Variants in ANKRD30A observed in about 807,000 individuals in gnomAD.
ANKRD30A encodes the protein ankyrin repeat domain 30A.
A neutral mutation model predicts 166.3 loss-of-function variants in ANKRD30A; 170 were observed. The observed-to-expected ratio is 1.02, with a 90% confidence interval of 0.90 to 1.16. The LOEUF (loss-of-function observed/expected upper bound fraction) is 1.16, where lower values mean the gene tolerates loss of function less well. Ranked by LOEUF, ANKRD30A falls within the 50% of genes most tolerant of loss-of-function variation. The pLI is 0.00. For missense variants in ANKRD30A, 1,630 were observed against 1,518.0 expected (o/e 1.07, Z -1.23); for synonymous variants, 564 against 508.9 (o/e 1.11, Z -1.46).
In ANKRD30A at chr10:37,149,796, A is replaced by T; in HGVS notation, c.1592A>T (p.Asn531Ile). Residue 531 changes from asparagine to isoleucine, a missense_variant, in exon 11 of 36, where the codon AAC (asparagine) becomes ATC (isoleucine). By Grantham distance (149) the Asn-to-Ile change is moderately radical. Around this residue, in one of 4 missense-constraint regions of ANKRD30A, gnomAD observed 904 missense variants for 818.5 expected, o/e 1.10. Coordinates refer to ENST00000361713, the MANE Select transcript of ANKRD30A (RefSeq NM_052997.3). ...SAFKPAIEMQ[N>I]SVPNKAFELK... is the part of the protein sequence containing the mutation. ...ATTTAGCCTGCCATTGAAATGCAAA[A>T]CTCTGTTCCAAATAAAGCCTTTGAA... 2 of 1,612,874 alleles carry T rather than the reference A, an allele frequency of 1.2e-6. No individual in the cohort carries two copies.
rs539208494 is a variant in ANKRD30A at position 37,231,321 on chromosome 10, A to G, written c.4186-140A>G. The G allele has an allele frequency of 9.4e-6, 5 of 529,512 alleles. No homozygotes were observed. The African/African-American group carries it at 9.8e-5, about 10-fold the overall frequency. The allele number at this position is 529,512 out of a possible 1,614,324, so 32.8% of individuals were successfully genotyped here. On this transcript the variant is annotated intron_variant, in intron 34 of 35. Transcript: ENST00000361713. ...TTGCATACACTAGGCATGCTCTCAC[A>G]CATCTTCATTGTTAAAGCACGGCTT...
the ANKRD30A span, chr10:37,241,400 G>A: frequency 6.6e-6 from 1 of 151,246 alleles, no homozygotes; most frequent in African/African-American, 2.4e-5. Context: ...TTCTTAAAAA[G>A]GATAATATTT....
At chr10:37,234,945 G>A (rs372290797), downstream of ANKRD30A, among the ~76,000 whole-genome samples, 11 of 152,052 alleles carry the variant, frequency 7.2e-5, no homozygotes, top group Admixed American at 3.9e-4. Flanking sequence ...GTTGAACTGC[G>A]CTTTTTCCAC....
At chr10:37,253,649 CT>C in the ANKRD30A span, among the ~76,000 whole-genome samples, 32,326 of 129,664 alleles carry the variant, frequency 0.25, 3,090 homozygotes, top group Middle Eastern at 0.31. Context: ...TTTTCTTTTT[CT>C]TTTTTTTTTT....
At chr10:37,127,030 G>C (rs1033288517) in intron 1 of ANKRD30A, among the ~76,000 whole-genome samples, 1 of 81,334 alleles carries the variant, frequency 1.2e-5, no homozygotes, top group Admixed American at 2.1e-4. Context: ...CTAGGTGATA[G>C]AGTGAAACTC....
At chr10:37,148,534 G>A (rs1588789898) in intron 9 of ANKRD30A, among the ~76,000 whole-genome samples, 1 of 152,000 alleles carries the variant, frequency 6.6e-6, no homozygotes, top group East Asian at 1.9e-4. Flanking sequence ...AAGAGAGAAG[G>A]TAGGTAGGTA....
At chr10:37,165,600 C>T (rs1252866228) in intron 18 of ANKRD30A, among the ~76,000 whole-genome samples, 1 of 151,796 alleles carries the variant, frequency 6.6e-6, no homozygotes, top group African/African-American at 2.4e-5. Flanking sequence ...GGGACTTGAA[C>T]ATATTGACAT....
chr10:37,193,216 A>G lies in ANKRD30A; in HGVS notation c.2572A>G (p.Thr858Ala), dbSNP rs745631459. 3.1e-6 allele frequency: 5 copies of G among 1,612,008 alleles called. No homozygotes were observed. The South Asian group carries it at 4.4e-5, about 14-fold the overall frequency. ...CTGCAGAATGAAAGTTTCTATTCCA[A>G]CTAAAGCCTTAGAATTGATGGACAT... ...APCRMKVSIP[T>A]KALELMDMQT... Residue 858 changes from threonine to alanine, a missense_variant, in exon 27 of 36, where the codon ACT becomes GCT. Around this residue, in one of 4 missense-constraint regions of ANKRD30A, gnomAD observed 712 missense variants for 629.3 expected, o/e 1.13. Transcript: ENST00000361713.
At chr10:37,194,321 T>C (rs1477660841) in intron 27 of ANKRD30A, among the ~76,000 whole-genome samples, 2 of 152,112 alleles carry the variant, frequency 1.3e-5, no homozygotes, top group Admixed American at 6.5e-5. Context: ...CTTCCTTTTT[T>C]TTGTTTGCAT....
the ANKRD30A span, among the ~76,000 whole-genome samples, chr10:37,265,880 C>A: frequency 6.6e-6 from 1 of 152,196 alleles, no homozygotes; most frequent in Non-Finnish European, 1.5e-5. Flanking sequence ...AACAAACCCC[C>A]CTGGGTTAAC....
intron 25 of ANKRD30A, among the ~76,000 whole-genome samples, chr10:37,192,633 A>G (rs1840695512): frequency 6.6e-6 from 1 of 152,044 alleles, no homozygotes; most frequent in African/African-American, 2.4e-5. Context: ...ATATATTGAC[A>G]TCAGTGATTC....
At chr10:37,257,200 C>A in the ANKRD30A span, among the ~76,000 whole-genome samples, 47 of 151,874 alleles carry the variant, frequency 3.1e-4, no homozygotes, top group African/African-American at 1.1e-3. Flanking sequence ...TTATAGTATT[C>A]TCTGATGGTA....
intron 34 of ANKRD30A, among the ~76,000 whole-genome samples, chr10:37,224,314 A>G (rs1843030751): frequency 6.6e-6 from 1 of 150,988 alleles, no homozygotes; most frequent in Non-Finnish European, 1.5e-5. Context: ...ACATCATCAA[A>G]AATTATCTTG....
intron 3 of ANKRD30A, among the ~76,000 whole-genome samples, 167 bp from the exon 4 acceptor site, chr10:37,132,073 C>G (rs550327350): frequency 6.6e-6 from 1 of 152,026 alleles, no homozygotes. Flanking sequence ...ATATTTACAG[C>G]GGAAGGTGCA....
chr10:37,260,949 C>T, the ANKRD30A span, among the ~76,000 whole-genome samples: 3 of 152,124 alleles, frequency 2.0e-5, no homozygotes, highest in African/African-American at 7.2e-5. Flanking sequence ...GTGCTATGCT[C>T]ACTACCTGGA....
At chr10:37,225,796 C>T (rs1843120264) in intron 34 of ANKRD30A, among the ~76,000 whole-genome samples, 1 of 151,628 alleles carries the variant, frequency 6.6e-6, no homozygotes, top group African/African-American at 2.4e-5. Context: ...TTGATTTTCT[C>T]GGTAACAATT....
rs190218113 is a variant in ANKRD30A, at chr10:37,162,244, T to G, written c.1901-405T>G. 2.5e-3 allele frequency among the ~76,000 whole-genome samples: 386 copies of G among 152,312 alleles called. 6 individuals are homozygous for G. The highest frequency in any genetic ancestry group is 7.6e-4 in the Non-Finnish European group (52 of 68,024). ...ACAAGATGTCAGTTCTACATTCAGC[T>G]GAACTTTCATCATAACTATGTACCT... On this transcript the variant is annotated intron_variant, in intron 15 of 35. Transcript: ENST00000361713.
At chr10:37,204,753 G>GA (rs1305414428) in intron 31 of ANKRD30A, among the ~76,000 whole-genome samples, 6 of 152,100 alleles carry the variant, frequency 3.9e-5, no homozygotes, top group East Asian at 3.9e-4. Flanking sequence ...AAGTTTACAA[G>GA]AAAAAATCAA....
intron 29 of ANKRD30A, among the ~76,000 whole-genome samples, chr10:37,199,123 C>A (rs574466048): frequency 8.5e-5 from 13 of 152,146 alleles, no homozygotes; most frequent in African/African-American, 2.9e-4. Context: ...GTAATTAAAG[C>A]AGTTCTTAAT....
Sources: gnomAD v4.1 joint callset for allele counts (sites outside exome capture counted in the v4.1 genomes callset) on GRCh38, gnomAD v4.1.1 for gene constraint, gnomAD v4.1.1 regional missense constraint, MANE v1.5 for transcripts, NCBI Gene and HGNC (gene_info 2026-07-23, HGNC 2026-07-21) for gene names.